Variants in SDK1 observed in about 807,000 individuals in gnomAD.
SDK1 encodes the protein protein sidekick-1.
In SDK1, 157 loss-of-function variants were observed where a neutral mutation model predicts 245.5. The ratio of observed to expected loss-of-function variants is 0.64; its 90% CI spans 0.56 to 0.73. SDK1 has a LOEUF of 0.73. SDK1 is among the 30% of genes least tolerant of loss of function. SDK1 has a pLI of 0.00. For missense variants in SDK1, 3,583 were observed against 3,002.3 expected, an observed-to-expected ratio of 1.19 and a Z score of -4.52; for synonymous variants, 1,647 against 1,278.5, an observed-to-expected ratio of 1.29 and a Z score of -6.15.
chr7:3,830,810 C>G (rs1779895409), intron 5 of SDK1, among the ~76,000 whole-genome samples: 1 of 152,084 alleles, frequency 6.6e-6, no homozygotes, highest in Non-Finnish European at 1.5e-5. Flanking sequence ...CAATTTTTAC[C>G]TTTGATTTTG....
At chr7:3,621,369 C>A (rs1298747607) in intron 2 of SDK1, among the ~76,000 whole-genome samples, 1 of 152,052 alleles carries the variant, frequency 6.6e-6, no homozygotes, top group Non-Finnish European at 1.5e-5. Context: ...TACAGTAAGG[C>A]CCACATCACC....
At chr7:3,533,659 C>T (rs954845086) in intron 1 of SDK1, among the ~76,000 whole-genome samples, 1 of 151,856 alleles carries the variant, frequency 6.6e-6, no homozygotes, top group South Asian at 2.1e-4. Context: ...TCTTTGATAA[C>T]TTTCTTCTCT....
intron 5 of SDK1, among the ~76,000 whole-genome samples, chr7:3,855,395 A>C (rs1011017484): frequency 6.6e-6 from 1 of 152,122 alleles, no homozygotes; most frequent in African/African-American, 2.4e-5. Flanking sequence ...ATTTTAGGAG[A>C]GGTGCAAGAA....
rs975708349 is a variant in SDK1 at position 3,950,465 on chromosome 7, T to G, written c.848-458T>G. ...CAGCACAGTAAGATATTTTGAGAGA[T>G]AGAGAGGGACCACATTCGCATAACT... On this transcript the variant is annotated intron_variant, in intron 5 of 44. Coordinates refer to ENST00000404826, the MANE Select transcript of SDK1 (RefSeq NM_152744.4). Among the ~76,000 whole-genome samples the G allele has an allele frequency of 2.0e-5, 3 of 152,248 alleles. No homozygotes were observed. In the South Asian group the frequency reaches 6.2e-4, roughly 32 times the overall value.
rs1032204974 is a variant in SDK1 at position 4,079,406 on chromosome 7, T to A, written c.3203-57T>A. The A allele has an allele frequency of 5.0e-6, 8 of 1,592,230 alleles. No homozygotes were observed. The African/African-American group carries it at 8.3e-5, about 16-fold the overall frequency. On this transcript the variant is annotated intron_variant, in intron 21 of 44. Coordinates refer to ENST00000404826, the MANE Select transcript of SDK1 (RefSeq NM_152744.4). ...TTTTGAAGCTGACACGTTTGATACCTTTCCTAAGCTGTGACGGACTGTAAA... is the reference window on the plus strand; with the variant it reads ...TTTTGAAGCTGACACGTTTGATACCATTCCTAAGCTGTGACGGACTGTAAA...
intron 17 of SDK1, among the ~76,000 whole-genome samples, chr7:4,034,987 A>AT (rs1312619701): frequency 2.0e-5 from 3 of 152,162 alleles, no homozygotes; most frequent in East Asian, 1.9e-4. Context: ...CACTAAATTA[A>AT]TTTTTTTTGG....
chr7:3,391,927 C>G (rs2128570448), intron 1 of SDK1, among the ~76,000 whole-genome samples: 1 of 149,456 alleles, frequency 6.7e-6, no homozygotes, highest in Admixed American at 6.7e-5. Context: ...CCATGTTTGG[C>G]CAACAACTGA....
intron 1 of SDK1, among the ~76,000 whole-genome samples, chr7:3,377,573 C>T (rs12216663): frequency 2.0e-5 from 3 of 151,948 alleles, no homozygotes; most frequent in East Asian, 1.9e-4. Context: ...TTTCATCCCA[C>T]GACTCCCCGT....
intron 1 of SDK1, among the ~76,000 whole-genome samples, chr7:3,448,516 C>G (rs548898182): frequency 6.6e-6 from 1 of 151,842 alleles, no homozygotes; most frequent in Non-Finnish European, 1.5e-5. Flanking sequence ...ATTGATCTAT[C>G]TTTGTTTAGG....
At chr7:3,687,051 A>G (rs1784304175) in intron 4 of SDK1, among the ~76,000 whole-genome samples, 1 of 136,818 alleles carries the variant, frequency 7.3e-6, no homozygotes, top group East Asian at 2.1e-4. Context: ...TTGGGATAGC[A>G]TCAAAACACA....
chr7:4,116,586 A>G (rs947872418), intron 25 of SDK1, among the ~76,000 whole-genome samples: 14 of 152,244 alleles, frequency 9.2e-5, no homozygotes, highest in African/African-American at 3.4e-4. Context: ...TGCAATGCAC[A>G]GAAGCCCCCT....
At chr7:3,356,141 A>G (rs781410908) in intron 1 of SDK1, among the ~76,000 whole-genome samples, 1 of 152,222 alleles carries the variant, frequency 6.6e-6, no homozygotes, top group Non-Finnish European at 1.5e-5. Flanking sequence ...CTTAGCTTGT[A>G]AGAATGTTGC....
intron 5 of SDK1, among the ~76,000 whole-genome samples, chr7:3,940,506 T>C (rs1780317882): frequency 6.6e-6 from 1 of 152,178 alleles, no homozygotes; most frequent in African/African-American, 2.4e-5. Context: ...GCCCTGGCCA[T>C]CGTTCTCACT....
intron 1 of SDK1, among the ~76,000 whole-genome samples, chr7:3,445,063 T>G (rs1182075393): frequency 6.6e-6 from 1 of 152,198 alleles, no homozygotes; most frequent in African/African-American, 2.4e-5. Context: ...TTTATTTTCT[T>G]AAAATAAATC....
At chr7:3,512,224 T>C (rs1013050354) in intron 1 of SDK1, among the ~76,000 whole-genome samples, 1 of 152,188 alleles carries the variant, frequency 6.6e-6, no homozygotes, top group African/African-American at 2.4e-5. Context: ...ATATAGACTT[T>C]TCAGACTGAT....
chr7:3,787,935 C>G lies in SDK1; in HGVS notation c.714-33515C>G, dbSNP rs537748394. Among the ~76,000 whole-genome samples, 7 of 152,300 alleles carry G rather than the reference C, an allele frequency of 4.6e-5. No individual in the cohort carries two copies. In the East Asian group the frequency reaches 1.4e-3, roughly 29 times the overall value. On this transcript the variant is annotated intron_variant, in intron 4 of 44. Transcript: ENST00000404826. Reference sequence around the variant, plus strand: ...CATGCGGTTGCACAGAAGCCACTCTCAGAAGTCTGAAGAGAAAGGAACTGA... The same window carrying G: ...CATGCGGTTGCACAGAAGCCACTCTGAGAAGTCTGAAGAGAAAGGAACTGA...
chr7:3,714,020 A>G (rs551384255), intron 4 of SDK1, among the ~76,000 whole-genome samples: 1 of 152,344 alleles, frequency 6.6e-6, no homozygotes, highest in South Asian at 2.1e-4. Flanking sequence ...GAAATATCAG[A>G]TGAGAAACAT....
intron 4 of SDK1, among the ~76,000 whole-genome samples, chr7:3,664,378 G>T (rs1329053597): frequency 6.6e-6 from 1 of 152,114 alleles, no homozygotes; most frequent in African/African-American, 2.4e-5. Context: ...TCGAATCTGT[G>T]TACTCTGGTC....
intron 1 of SDK1, among the ~76,000 whole-genome samples, chr7:3,363,996 G>A (rs1781021181): frequency 6.6e-6 from 1 of 152,162 alleles, no homozygotes; most frequent in Non-Finnish European, 1.5e-5. Context: ...TGGCCATTCT[G>A]AGATGTATGT....
Sources: allele counts gnomAD v4.1 joint callset (sites outside exome capture counted in the v4.1 genomes callset), GRCh38; gene constraint gnomAD v4.1.1; transcripts MANE v1.5; gene names NCBI Gene and HGNC (gene_info 2026-07-23, HGNC 2026-07-21).